Variants in SHISA9 observed in about 807,000 individuals in gnomAD.
SHISA9 encodes shisa family member 9, also known as protein shisa-9.
In SHISA9, 13 loss-of-function variants were observed where a neutral mutation model predicts 38.0. The ratio of observed to expected loss-of-function variants is 0.34; its 90% confidence interval spans 0.22 to 0.54. The LOEUF is 0.54. Ranked by LOEUF, SHISA9 falls within the 20% of genes least tolerant of loss-of-function variation. SHISA9 has a pLI of 0.91. For missense variants in SHISA9, 538 were observed against 575.8 expected (o/e 0.93, Z 0.67); for synonymous variants, 275 against 242.0 (o/e 1.14, Z -1.27).
chr16:13,110,597 C>G (rs1012219915), intron 2 of SHISA9, among the ~76,000 whole-genome samples: 5 of 152,126 alleles, frequency 3.3e-5, no homozygotes, highest in Non-Finnish European at 5.9e-5. Flanking sequence ...GAGAGGAGAG[C>G]TGGAACTTGA....
the SHISA9 span, among the ~76,000 whole-genome samples, chr16:13,298,919 C>A: frequency 1.3e-5 from 2 of 152,200 alleles, no homozygotes; most frequent in African/African-American, 4.8e-5. Flanking sequence ...CAACTGGGTT[C>A]TGCTCAAGGG....
At position 12,933,216 on chromosome 16, in the gene SHISA9, G is replaced by C. The variant is rs571039216; in HGVS notation, c.691+16401G>C. 4.6e-5 allele frequency among the ~76,000 whole-genome samples: 7 copies of C among 151,980 alleles called. No individual in the cohort carries two copies. The South Asian group carries it at 6.2e-4, about 14-fold the overall frequency. Reference sequence around the variant, plus strand: ...ATTCTCTAAGCTATTTCCCTGCATCGAGTCAGACCACCATAAAACCACATA... The same window carrying C: ...ATTCTCTAAGCTATTTCCCTGCATCCAGTCAGACCACCATAAAACCACATA... On this transcript the variant is annotated intron_variant, in intron 2 of 4. Coordinates refer to ENST00000558583, the MANE Select transcript of SHISA9 (RefSeq NM_001145204.3).
At chr16:12,997,475 CAG>C (rs2072472392) in intron 2 of SHISA9, among the ~76,000 whole-genome samples, 1 of 149,518 alleles carries the variant, frequency 6.7e-6, no homozygotes, top group Non-Finnish European at 1.5e-5. Context: ...GGTGCGATCT[CAG>C]GTCACTGCAA....
the SHISA9 span, among the ~76,000 whole-genome samples, chr16:13,484,129 C>T: frequency 6.6e-6 from 1 of 152,088 alleles, no homozygotes; most frequent in African/African-American, 2.4e-5. Context: ...AATTAGAGGA[C>T]ACCCAGCTGG....
the SHISA9 span, among the ~76,000 whole-genome samples, chr16:13,355,786 G>A: frequency 4.6e-5 from 7 of 152,186 alleles, no homozygotes; most frequent in African/African-American, 1.7e-4. Flanking sequence ...CTCGATGTCC[G>A]TGATGGTCTA....
intron 2 of SHISA9, among the ~76,000 whole-genome samples, chr16:12,958,959 C>CCAGTGTGG (rs2071872561): frequency 6.6e-6 from 1 of 152,106 alleles, no homozygotes; most frequent in Non-Finnish European, 1.5e-5. Flanking sequence ...CCCAGCTGGG[C>CCAGTGTGG]CAGTGTGGCT....
Position 13,030,874 on chromosome 16 carries a change from G to A in SHISA9, c.691+114059G>A, listed in dbSNP as rs148261458. 5.4e-3 allele frequency among the ~76,000 whole-genome samples: 821 copies of A among 152,296 alleles called. 3 individuals are homozygous for A. The highest frequency in any genetic ancestry group is 0.036 in the South Asian group (176 of 4,828). On this transcript the variant is annotated intron_variant, in intron 2 of 4. Transcript: ENST00000558583. ...CCAAGGACCCCTTCATGGCCAAAAC[G>A]TGTGCGTCACTGACAGGGGAGTTCT...
At chr16:13,162,317 C>T (rs903380321) in intron 2 of SHISA9, among the ~76,000 whole-genome samples, 11 of 151,792 alleles carry the variant, frequency 7.2e-5, no homozygotes, top group African/African-American at 2.7e-4. Context: ...TCGTGTAATT[C>T]TTTCTTGGGA....
At chr16:13,216,922 C>T (rs1276341988) in intron 4 of SHISA9, among the ~76,000 whole-genome samples, 2 of 152,116 alleles carry the variant, frequency 1.3e-5, no homozygotes, top group Non-Finnish European at 2.9e-5. Flanking sequence ...CCACGCCCAG[C>T]CTTGGAAACA....
chr16:13,457,877 A>C, the SHISA9 span, among the ~76,000 whole-genome samples: 1 of 152,090 alleles, frequency 6.6e-6, no homozygotes. Context: ...CTCTCTAGGC[A>C]AGACCTTAAA....
chr16:12,921,014 A>C (rs373809724), intron 2 of SHISA9, among the ~76,000 whole-genome samples: 1 of 152,226 alleles, frequency 6.6e-6, no homozygotes. Flanking sequence ...CCTAGTGTCT[A>C]TAAAAACAAC....
At chr16:13,463,501 C>T in the SHISA9 span, among the ~76,000 whole-genome samples, 1 of 150,734 alleles carries the variant, frequency 6.6e-6, no homozygotes, top group South Asian at 2.1e-4. Context: ...TTCTCAGTTG[C>T]AGAAATGAAG....
At chr16:13,175,820 C>G (rs879391746) in intron 2 of SHISA9, among the ~76,000 whole-genome samples, 6 of 152,160 alleles carry the variant, frequency 3.9e-5, no homozygotes, top group Non-Finnish European at 8.8e-5. Context: ...CACACTTTCA[C>G]GTGCTTCCAA....
At chr16:13,367,610 T>G in the SHISA9 span, among the ~76,000 whole-genome samples, 3 of 146,772 alleles carry the variant, frequency 2.0e-5, no homozygotes, top group Non-Finnish European at 3.0e-5. Context: ...TAATGAAAAC[T>G]TAACTCCTAA....
chr16:13,388,354 T>TG, the SHISA9 span, among the ~76,000 whole-genome samples: 1 of 151,046 alleles, frequency 6.6e-6, no homozygotes, highest in South Asian at 2.1e-4. Flanking sequence ...CTCTGTTGCC[T>TG]GGGCTGGAGT....
chr16:13,120,521 A>G (rs1047625293), intron 2 of SHISA9, among the ~76,000 whole-genome samples: 5 of 152,198 alleles, frequency 3.3e-5, no homozygotes, highest in Non-Finnish European at 7.3e-5. Flanking sequence ...ATTTTTTCAC[A>G]TAAATATTTA....
chr16:13,502,115 A>G, the SHISA9 span, among the ~76,000 whole-genome samples: 1 of 152,212 alleles, frequency 6.6e-6, no homozygotes, highest in Non-Finnish European at 1.5e-5. Flanking sequence ...AAAGGAATAT[A>G]TTTTAAAATA....
intron 2 of SHISA9, among the ~76,000 whole-genome samples, chr16:13,025,314 G>A (rs1160969844): frequency 6.6e-6 from 1 of 152,168 alleles, no homozygotes; most frequent in Non-Finnish European, 1.5e-5. Context: ...AAATTCTCAG[G>A]ACACACTGCA....
At chr16:13,351,470 A>G in the SHISA9 span, among the ~76,000 whole-genome samples, 1 of 152,144 alleles carries the variant, frequency 6.6e-6, no homozygotes, top group African/African-American at 2.4e-5. Context: ...CGTGCAAAGG[A>G]GGTTGAACAT....
Sources: allele counts gnomAD v4.1 joint callset (sites outside exome capture counted in the v4.1 genomes callset), GRCh38; gene constraint gnomAD v4.1.1; transcripts MANE v1.5; gene names NCBI Gene and HGNC (gene_info 2026-07-23, HGNC 2026-07-21).